CBR4: variants seen among roughly 807,000 people sequenced by gnomAD.
The protein encoded by CBR4 is 3-oxoacyl-[acyl-carrier-protein] reductase.
Under a neutral mutation model 21.0 loss-of-function variants are expected in CBR4, and 22 were observed. The ratio of observed to expected loss-of-function variants is 1.05; its 90% CI spans 0.75 to 1.50. The LOEUF (loss-of-function observed/expected upper bound fraction) is 1.50, where lower values mean the gene tolerates loss of function less well. Among genes scored for constraint, CBR4 ranks in the 40% most tolerant of loss-of-function variants. The probability of loss-of-function intolerance (pLI) is 0.00; values close to 1 mark genes in which losing one functional copy is unlikely to be tolerated. For missense variants in CBR4, 302 were observed against 286.3 expected, an observed-to-expected ratio of 1.05 and a Z score of -0.40; for synonymous variants, 100 against 104.4, an observed-to-expected ratio of 0.96 and a Z score of 0.26.
chr4:168,925,471 T>C lies in CBR4; in HGVS notation n.170-30706A>G, dbSNP rs1043631122. ...CCTTTTAACATTTCTTCCTATATTC[T>C]ATCGCAGTGTCCTAATGCACTCTAA... On this transcript the variant is annotated intron_variant and non_coding_transcript_variant, in intron 2 of 3. Transcript: ENST00000509108. 9 of 603,144 alleles carry C rather than the reference T, an allele frequency of 1.5e-5. No individual in the cohort carries two copies. The Admixed American group carries it at 2.2e-4, about 15-fold the overall frequency. 37.4% of individuals were successfully genotyped at this position (603,144 alleles called of 1,614,324 possible).
chr4:168,923,312 T>A (rs1761947423), intron 2 of CBR4, among the ~76,000 whole-genome samples: 1 of 152,212 alleles, frequency 6.6e-6, no homozygotes, highest in African/African-American at 2.4e-5. Flanking sequence ...ATTTGAAAAG[T>A]TCAGGTAGAA....
At chr4:168,938,608 TA>T (rs1476604973) in intron 2 of CBR4, among the ~76,000 whole-genome samples, 1 of 151,854 alleles carries the variant, frequency 6.6e-6, no homozygotes, top group Non-Finnish European at 1.5e-5. Flanking sequence ...ATAAACGCAA[TA>T]AAAAATGACA....
intron 2 of CBR4, among the ~76,000 whole-genome samples, chr4:168,975,676 G>T (rs1366547630): frequency 6.6e-6 from 1 of 152,118 alleles, no homozygotes; most frequent in Non-Finnish European, 1.5e-5. Flanking sequence ...TTTGATTTTG[G>T]CTACCAAGAT....
intron 2 of CBR4, among the ~76,000 whole-genome samples, chr4:168,918,261 T>C (rs1444167865): frequency 6.6e-6 from 1 of 151,270 alleles, no homozygotes; most frequent in Admixed American, 6.6e-5. Flanking sequence ...GCAGCACTAT[T>C]CATAATAGCC....
intron 4 of CBR4, among the ~76,000 whole-genome samples, chr4:168,994,504 G>A (rs78644243): frequency 0.028 from 4,266 of 152,308 alleles, 197 homozygotes; most frequent in African/African-American, 0.097. Flanking sequence ...GCAACTGAAT[G>A]ACCATTTCTG....
chr4:168,973,753 T>C (rs1166221617), intron 2 of CBR4, among the ~76,000 whole-genome samples: 2 of 152,258 alleles, frequency 1.3e-5, no homozygotes, highest in Non-Finnish European at 2.9e-5. Flanking sequence ...AGAATTTGTT[T>C]CTTCCTGGTT....
chr4:169,004,869 A>G (rs1008083448), intron 3 of CBR4, among the ~76,000 whole-genome samples: 2 of 152,226 alleles, frequency 1.3e-5, no homozygotes, highest in Non-Finnish European at 2.9e-5. Context: ...ATATGTAATA[A>G]TAATTTTTAA....
intron 2 of CBR4, among the ~76,000 whole-genome samples, chr4:168,907,620 A>G (rs1758077343): frequency 6.6e-6 from 1 of 152,164 alleles, no homozygotes; most frequent in Non-Finnish European, 1.5e-5. Flanking sequence ...AAGCCCCAAA[A>G]GAGAGTGGTT....
chr4:168,914,595 G>A (rs1759717614), intron 2 of CBR4, among the ~76,000 whole-genome samples: 1 of 152,010 alleles, frequency 6.6e-6, no homozygotes, highest in South Asian at 2.1e-4. Flanking sequence ...GACACTGATG[G>A]AACAATGGTA....
At chr4:168,979,099 G>A (rs1397725191) in intron 2 of CBR4, among the ~76,000 whole-genome samples, 1 of 151,794 alleles carries the variant, frequency 6.6e-6, no homozygotes, top group African/African-American at 2.4e-5. Flanking sequence ...TTTCCACGCA[G>A]GTCCCTCCTC....
chr4:168,973,445 A>G (rs1221817331), intron 2 of CBR4, among the ~76,000 whole-genome samples: 5 of 152,186 alleles, frequency 3.3e-5, no homozygotes, highest in African/African-American at 1.2e-4. Context: ...CTCCTGCCTC[A>G]GCCTCCCAAG....
At chr4:168,917,049 GTTT>G (rs1190179892) in intron 2 of CBR4, among the ~76,000 whole-genome samples, 2 of 124,864 alleles carry the variant, frequency 1.6e-5, no homozygotes, top group Non-Finnish European at 3.4e-5. Flanking sequence ...TTTTTTTGGG[GTTT>G]TTTTTTTTTT....
chr4:168,934,882 A>C (rs1582287901), intron 2 of CBR4, among the ~76,000 whole-genome samples: 1 of 152,232 alleles, frequency 6.6e-6, no homozygotes, highest in East Asian at 1.9e-4. Context: ...ATAACAAAAA[A>C]ACAAAACTAC....
intron 2 of CBR4, among the ~76,000 whole-genome samples, chr4:168,916,461 A>C (rs1207772734): frequency 2.2e-5 from 3 of 137,662 alleles, no homozygotes; most frequent in Non-Finnish European, 3.2e-5. Flanking sequence ...AATACGTCGG[A>C]TATTTATATA....
intron 2 of CBR4, among the ~76,000 whole-genome samples, chr4:168,915,496 T>C (rs920370954): frequency 2.0e-5 from 3 of 152,194 alleles, no homozygotes; most frequent in African/African-American, 7.2e-5. Context: ...TGAATTTTTA[T>C]CAGAACTTTT....
intron 4 of CBR4, among the ~76,000 whole-genome samples, chr4:168,994,271 G>A (rs754304119): frequency 3.9e-5 from 6 of 152,184 alleles, no homozygotes; most frequent in Non-Finnish European, 5.9e-5. Flanking sequence ...GGCACAGATC[G>A]CTCATGCTAT....
intron 2 of CBR4, among the ~76,000 whole-genome samples, chr4:168,942,093 T>C (rs1156348912): frequency 1.3e-5 from 2 of 152,134 alleles, no homozygotes; most frequent in Non-Finnish European, 2.9e-5. Context: ...GGGACATGGA[T>C]GAAGCTGGAA....
intron 2 of CBR4, among the ~76,000 whole-genome samples, chr4:168,952,490 C>G (rs1207470165): frequency 6.6e-6 from 1 of 151,990 alleles, no homozygotes; most frequent in Non-Finnish European, 1.5e-5. Context: ...GTTAAAGAGC[C>G]CTGTTTTGTC....
At chr4:168,896,125 G>C (rs1174220911) in intron 2 of CBR4, among the ~76,000 whole-genome samples, 1 of 151,192 alleles carries the variant, frequency 6.6e-6, no homozygotes, top group Non-Finnish European at 1.5e-5. Flanking sequence ...CATGAGAATC[G>C]CTTGAACCCA....
Sources: gnomAD v4.1 joint callset for allele counts (sites outside exome capture counted in the v4.1 genomes callset) on GRCh38, gnomAD v4.1.1 for gene constraint, MANE v1.5 for transcripts, NCBI Gene and HGNC (gene_info 2026-07-23, HGNC 2026-07-21) for gene names.